NFU1: variants seen among roughly 807,000 people sequenced by gnomAD.
NFU1 encodes NFU1 iron-sulfur cluster scaffold.
A neutral mutation model predicts 32.2 loss-of-function variants in NFU1; 30 were observed. The ratio of observed to expected loss-of-function variants is 0.93; its 90% confidence interval spans 0.70 to 1.26. The LOEUF (loss-of-function observed/expected upper bound fraction) is 1.26. Ranked by LOEUF, NFU1 falls within the 50% of genes most tolerant of loss-of-function variation. The pLI is 0.00. For synonymous variants in NFU1, 112 were observed against 104.6 expected, an observed-to-expected ratio of 1.07 and a Z score of -0.43; for missense variants, 306 against 306.6, an observed-to-expected ratio of 1.00 and a Z score of 0.02.
At chr2:69,414,967 T>C (rs568662726) in intron 5 of NFU1, among the ~76,000 whole-genome samples, 1 of 152,304 alleles carries the variant, frequency 6.6e-6, no homozygotes, top group African/African-American at 2.4e-5. Flanking sequence ...CATGATATTT[T>C]CTGCATGTTT....
At chr2:69,433,362 TAG>T (rs899687929) in intron 1 of NFU1, among the ~76,000 whole-genome samples, 1 of 151,520 alleles carries the variant, frequency 6.6e-6, no homozygotes, top group Non-Finnish European at 1.5e-5. Context: ...TACTTTTTAG[TAG>T]AGACAGGGTT....
At chr2:69,430,215 TC>T (rs972174849) in intron 2 of NFU1, among the ~76,000 whole-genome samples, 1 of 88,206 alleles carries the variant, frequency 1.1e-5, no homozygotes, top group African/African-American at 7.4e-5. Context: ...AAATATTTCT[TC>T]CTTTTTTTTT....
intron 5 of NFU1, among the ~76,000 whole-genome samples, chr2:69,411,484 T>C (rs1239742273): frequency 1.3e-5 from 2 of 152,114 alleles, no homozygotes; most frequent in Non-Finnish European, 2.9e-5. Flanking sequence ...AAAGACATCA[T>C]AAACAAAATG....
intron 3 of NFU1, among the ~76,000 whole-genome samples, chr2:69,420,896 G>A (rs544913004): frequency 6.6e-6 from 1 of 152,244 alleles, no homozygotes; most frequent in South Asian, 2.1e-4. Context: ...CACACATAAT[G>A]TAAAACACTT....
intron 2 of NFU1, among the ~76,000 whole-genome samples, chr2:69,428,644 AG>A (rs1428589077): frequency 6.6e-6 from 1 of 152,210 alleles, no homozygotes; most frequent in African/African-American, 2.4e-5. Context: ...TGACTTTCTT[AG>A]CCACCGTACA....
chr2:69,420,684 T>C (rs1445836986), intron 3 of NFU1, among the ~76,000 whole-genome samples: 1 of 152,172 alleles, frequency 6.6e-6, no homozygotes, highest in African/African-American at 2.4e-5. Context: ...TGGGCACATG[T>C]GCAAGTAACT....
intron 5 of NFU1, among the ~76,000 whole-genome samples, chr2:69,409,971 A>G (rs936137069): frequency 1.3e-5 from 2 of 152,222 alleles, no homozygotes. Flanking sequence ...TTTGTAGTCA[A>G]TGCTTATTAA....
Position 69,423,581 on chromosome 2 carries a change from C to T in NFU1, c.302+1G>A, listed in dbSNP as rs758512942. 1 of 1,612,844 alleles carries T rather than the reference C, an allele frequency of 6.2e-7. No individual in the cohort carries two copies. The highest frequency in any genetic ancestry group is 1.7e-5 in the Admixed American group (1 of 59,906). ...AAAAGCAAATGAAAACAGTAATATA[C>T]CTAGCCAGAGGGGAGCGAAATGCTG... On this transcript the variant is annotated splice_donor_variant, in intron 3 of 7. Transcript: ENST00000410022. LOFTEE classifies it high-confidence loss of function.
At chr2:69,424,201 ATATAT>A (rs1673375966) in intron 2 of NFU1, among the ~76,000 whole-genome samples, 9 of 82,168 alleles carry the variant, frequency 1.1e-4, no homozygotes, top group Non-Finnish European at 2.3e-4. Flanking sequence ...AAAAAAAAAT[ATATAT>A]ATATATATAT....
intron 5 of NFU1, among the ~76,000 whole-genome samples, chr2:69,407,263 A>G (rs184207184): frequency 3.3e-5 from 5 of 152,304 alleles, no homozygotes; most frequent in Non-Finnish European, 4.4e-5. Context: ...GAAATGTTCT[A>G]CAAATCTTCT....
rs549132855 is a variant in NFU1 at position 69,424,509 on chromosome 2, C to G, written c.167-792G>C. On this transcript the variant is annotated intron_variant, in intron 2 of 7. Coordinates refer to ENST00000410022, the MANE Select transcript of NFU1 (RefSeq NM_001002755.4). The stretch of plus-strand genomic sequence containing the variant: ...CTCACGCTATTGCCCAGACTGGTCC[C>G]AAATTCCTGGACTCAAATGATCCTC... Among the ~76,000 whole-genome samples the G allele has an allele frequency of 1.3e-4, 20 of 152,088 alleles. No homozygotes were observed. In the South Asian group the frequency reaches 3.9e-3, roughly 30 times the overall value.
intron 5 of NFU1, chr2:69,410,765 T>TA (rs1672853542): frequency 6.6e-6 from 1 of 152,116 alleles, no homozygotes; most frequent in Non-Finnish European, 1.5e-5. Context: ...AAGTCTCACA[T>TA]AAATGGGAAA....
In NFU1 at chr2:69,423,170, G is replaced by GTGTGTGTA. The variant is rs1553401037; in HGVS notation, c.302+411_302+412insTACACACA. On this transcript the variant is annotated intron_variant, in intron 3 of 7. Transcript: ENST00000410022. ...TTTGTGTGTGTGTGTGTGTGTGTAT[G>GTGTGTGTA]TGTGTGTGTGTGTGGTGAGATGGGC... is the stretch of plus-strand genomic sequence containing the variant. Among the ~76,000 whole-genome samples, 286 of 113,990 alleles carry GTGTGTGTA rather than the reference G, an allele frequency of 2.5e-3. 3 individuals carry two copies. The highest frequency in any genetic ancestry group is 7.3e-3 in the African/African-American group (217 of 29,666). 74.8% of individuals were successfully genotyped at this position (113,990 alleles called of 152,430 possible).
chr2:69,429,748 G>T (rs2104809173), intron 2 of NFU1, among the ~76,000 whole-genome samples: 2 of 151,504 alleles, frequency 1.3e-5, no homozygotes, highest in Admixed American at 1.3e-4. Flanking sequence ...ACTAATTCAG[G>T]CTGGGCACGG....
intron 4 of NFU1, among the ~76,000 whole-genome samples, chr2:69,416,395 C>A (rs1673056494): frequency 6.8e-6 from 1 of 147,570 alleles, no homozygotes. Flanking sequence ...AATTCATTCA[C>A]TTTCATTGTT....
intron 4 of NFU1, among the ~76,000 whole-genome samples, chr2:69,417,408 C>T (rs923928891): frequency 6.6e-5 from 10 of 151,168 alleles, no homozygotes; most frequent in African/African-American, 9.8e-5. Flanking sequence ...TTTGGGAGGC[C>T]GAGACAGAAG....
upstream of NFU1, chr2:69,437,452 G>A (rs745889740): frequency 6.2e-7 from 1 of 1,606,262 alleles, no homozygotes; most frequent in South Asian, 1.1e-5. Flanking sequence ...GGGTCTCCCT[G>A]ACAGAACCAC....
chr2:69,435,481 C>T (rs1297649120), intron 1 of NFU1, among the ~76,000 whole-genome samples: 1 of 152,140 alleles, frequency 6.6e-6, no homozygotes, highest in Non-Finnish European at 1.5e-5. Flanking sequence ...AAAGAGTGGG[C>T]ACCAATTAAG....
At chr2:69,419,311 G>A (rs1673163924) in intron 4 of NFU1, among the ~76,000 whole-genome samples, 1 of 151,894 alleles carries the variant, frequency 6.6e-6, no homozygotes, top group African/African-American at 2.4e-5. Context: ...TGGGGGACAA[G>A]AGCAAGACTT....
Sources: gnomAD v4.1 joint callset for allele counts (sites outside exome capture counted in the v4.1 genomes callset) on GRCh38, gnomAD v4.1.1 for gene constraint, MANE v1.5 for transcripts, NCBI Gene and HGNC (gene_info 2026-07-23, HGNC 2026-07-21) for gene names.